Variants in CTNND2 observed in about 807,000 individuals in gnomAD.
CTNND2 encodes the protein catenin delta 2.
Under a neutral mutation model 144.4 loss-of-function variants are expected in CTNND2, and 22 were observed. The observed-to-expected ratio is 0.15, with a 90% CI of 0.11 to 0.22. CTNND2 has a LOEUF of 0.22. Ranked by LOEUF, CTNND2 falls within the 10% of genes least tolerant of loss-of-function variation. The pLI, the probability that CTNND2 is intolerant of heterozygous loss-of-function variation, is 1.00. For synonymous variants in CTNND2, 751 were observed against 695.6 expected (o/e 1.08, Z -1.25); for missense variants, 1,353 against 1,618.8 (o/e 0.84, Z 2.82).
At chr5:11,641,734 A>G (rs1441424706) in intron 2 of CTNND2, among the ~76,000 whole-genome samples, 1 of 24,062 alleles carries the variant, frequency 4.2e-5, no homozygotes, top group Non-Finnish European at 3.3e-4. Flanking sequence ...ACGTGTGTGT[A>G]TATACATATA....
At chr5:11,451,727 TATTTAC>T (rs1765330131) in intron 3 of CTNND2, among the ~76,000 whole-genome samples, 1 of 152,250 alleles carries the variant, frequency 6.6e-6, no homozygotes, top group African/African-American at 2.4e-5. Context: ...TCAATATTAC[TATTTAC>T]ATAATTCGCA....
chr5:11,691,037 C>G (rs1244432070), intron 2 of CTNND2, among the ~76,000 whole-genome samples: 1 of 151,960 alleles, frequency 6.6e-6, no homozygotes, highest in Non-Finnish European at 1.5e-5. Context: ...GTGAGGCTCC[C>G]CAAGATAAGA....
chr5:11,317,932 A>G (rs1281768515), intron 9 of CTNND2, among the ~76,000 whole-genome samples: 3 of 152,190 alleles, frequency 2.0e-5, no homozygotes, highest in Non-Finnish European at 4.4e-5. Context: ...CTAAAATAGT[A>G]TCTGGATTTT....
chr5:11,860,140 A>G (rs1326043977), intron 1 of CTNND2, among the ~76,000 whole-genome samples: 5 of 152,230 alleles, frequency 3.3e-5, no homozygotes, highest in Admixed American at 3.3e-4. Flanking sequence ...TGAAAACTTG[A>G]CAATTTTATC....
chr5:11,546,077 G>T (rs1157028526), intron 3 of CTNND2, among the ~76,000 whole-genome samples: 1 of 152,126 alleles, frequency 6.6e-6, no homozygotes, highest in African/African-American at 2.4e-5. Context: ...ATCACATATG[G>T]TATGATTCCA....
chr5:11,637,189 T>G (rs994143590), intron 2 of CTNND2, among the ~76,000 whole-genome samples: 14 of 152,344 alleles, frequency 9.2e-5, no homozygotes, highest in Middle Eastern at 3.4e-3. Flanking sequence ...ATTTGTCTAT[T>G]TCTAAACGCC....
chr5:11,444,081 T>A (rs1004152715), intron 3 of CTNND2, among the ~76,000 whole-genome samples: 5 of 152,234 alleles, frequency 3.3e-5, no homozygotes, highest in South Asian at 4.1e-4. Context: ...AGAAGCTAAG[T>A]GGGCTACCTC....
chr5:11,130,100 A>G (rs2149716865), intron 12 of CTNND2, among the ~76,000 whole-genome samples: 1 of 152,248 alleles, frequency 6.6e-6, no homozygotes, highest in African/African-American at 2.4e-5. Context: ...CAAGGAAGGC[A>G]ATTTCTTTAT....
At chr5:11,797,460 T>C (rs973147577) in intron 1 of CTNND2, among the ~76,000 whole-genome samples, 2 of 152,112 alleles carry the variant, frequency 1.3e-5, no homozygotes, top group South Asian at 2.1e-4. Flanking sequence ...CAGGATCAAA[T>C]TGTGATCAAA....
chr5:11,683,973 T>C (rs1324506021), intron 2 of CTNND2, among the ~76,000 whole-genome samples: 1 of 152,184 alleles, frequency 6.6e-6, no homozygotes, highest in African/African-American at 2.4e-5. Context: ...AGTGCTAGGA[T>C]TGCATGATTC....
chr5:11,097,211 G>A lies in CTNND2; in HGVS notation c.2637+1364C>T, dbSNP rs1267861259. On this transcript the variant is annotated intron_variant, in intron 15 of 21. Coordinates refer to ENST00000304623, the MANE Select transcript of CTNND2 (RefSeq NM_001332.4). ...TTTGAGTCAAAGCTTCCTAGATCAC[G>A]CTAAATTTAGAGAGACATAAGATGT... 3.3e-5 allele frequency among the ~76,000 whole-genome samples: 5 copies of A among 152,108 alleles called. No individual in the cohort carries two copies. The East Asian group carries it at 5.8e-4, about 18-fold the overall frequency.
At chr5:11,595,297 C>A (rs1779449987) in intron 2 of CTNND2, among the ~76,000 whole-genome samples, 1 of 152,164 alleles carries the variant, frequency 6.6e-6, no homozygotes, top group Non-Finnish European at 1.5e-5. Flanking sequence ...CCAGTGCTGC[C>A]TGCTGCTGCA....
chr5:11,479,703 G>C (rs919050094), intron 3 of CTNND2, among the ~76,000 whole-genome samples: 4 of 151,402 alleles, frequency 2.6e-5, no homozygotes, highest in African/African-American at 7.3e-5. Context: ...TGACTGGTGT[G>C]AGATGATATC....
chr5:11,508,740 C>G (rs535893537), intron 3 of CTNND2, among the ~76,000 whole-genome samples: 1 of 152,124 alleles, frequency 6.6e-6, no homozygotes, highest in South Asian at 2.1e-4. Flanking sequence ...GGTGAAACCC[C>G]ATCTCTACTA....
rs1490170091 is a variant in CTNND2, at chr5:11,415,211, G to A, written c.288-3142C>T. Reference sequence around the variant, plus strand: ...AAATTTATATTCCCACCAACAGTGTGTAAGTGTTCACTTTTCTCCTCAACC... The same window carrying A: ...AAATTTATATTCCCACCAACAGTGTATAAGTGTTCACTTTTCTCCTCAACC... On this transcript the variant is annotated intron_variant, in intron 3 of 21. Transcript: ENST00000304623. Among the ~76,000 whole-genome samples, 3 of 152,232 alleles carry A rather than the reference G, an allele frequency of 2.0e-5. No homozygotes were observed. The East Asian group carries it at 5.8e-4, about 29-fold the overall frequency.
At chr5:11,704,731 C>T (rs966376213) in intron 2 of CTNND2, among the ~76,000 whole-genome samples, 2 of 151,676 alleles carry the variant, frequency 1.3e-5, no homozygotes, top group African/African-American at 4.8e-5. Flanking sequence ...ATGTCCAGCC[C>T]AACTATGATA....
At chr5:11,380,909 A>G (rs1303211322) in intron 7 of CTNND2, among the ~76,000 whole-genome samples, 3 of 152,230 alleles carry the variant, frequency 2.0e-5, no homozygotes, top group African/African-American at 7.2e-5. Flanking sequence ...TAATGGCTAC[A>G]TGCACTTTGA....
At position 11,319,895 on chromosome 5, in the gene CTNND2, A is replaced by G. The variant is rs546062554; in HGVS notation, c.1628+26477T>C. ...ATTTTCTTCAGCTGATGATCAGAATATTTTAGCCTGTCATATTTTAGTGTG... is the reference window on the plus strand; with the variant it reads ...ATTTTCTTCAGCTGATGATCAGAATGTTTTAGCCTGTCATATTTTAGTGTG... On this transcript the variant is annotated intron_variant, in intron 9 of 21. Coordinates refer to ENST00000304623, the MANE Select transcript of CTNND2 (RefSeq NM_001332.4). Among the ~76,000 whole-genome samples, 3 of 152,272 alleles carry G rather than the reference A, an allele frequency of 2.0e-5. No individual in the cohort carries two copies. The South Asian group carries it at 6.2e-4, about 32-fold the overall frequency.
chr5:11,864,473 C>T (rs10474938), intron 1 of CTNND2, among the ~76,000 whole-genome samples: 147,810 of 152,248 alleles, frequency 0.97, 71,885 homozygotes, highest in East Asian at 1. Context: ...TATCTCAAAG[C>T]CTCACCTTTC....
Sources: gnomAD v4.1 joint callset for allele counts (sites outside exome capture counted in the v4.1 genomes callset) on GRCh38, gnomAD v4.1.1 for gene constraint, MANE v1.5 for transcripts, NCBI Gene and HGNC (gene_info 2026-07-23, HGNC 2026-07-21) for gene names.